The following RPS12 variants were observed in gnomAD, a reference collection of about 807,000 sequenced individuals.
RPS12 encodes small ribosomal subunit protein eS12.
Under a neutral mutation model 17.2 loss-of-function variants are expected in RPS12, and 1 was observed. That is an observed-to-expected ratio of 0.06 (90% CI 0.02 to 0.28). RPS12 has a LOEUF of 0.28. Ranked by LOEUF, RPS12 falls within the 10% of genes least tolerant of loss-of-function variation. The probability of loss-of-function intolerance (pLI) is 1.00; values close to 1 mark genes in which losing one functional copy is unlikely to be tolerated. For synonymous variants in RPS12, 67 were observed against 54.0 expected (o/e 1.24, Z -1.06); for missense variants, 146 against 162.1 (o/e 0.90, Z 0.54).
rs1350977092 is a variant in RPS12 at position 132,816,547 on chromosome 6, A to G, written c.218A>G (p.Gln73Arg). ...KLVEALCAEHQINLIKVDDNK... is the reference protein window; with the variant it reads ...KLVEALCAEHRINLIKVDDNK... ...GTGGAGGCCCTTTGTGCTGAACACCAAATCAACCTAATTAAGGTAAGGCTG... is the reference window on the plus strand; with the variant it reads ...GTGGAGGCCCTTTGTGCTGAACACCGAATCAACCTAATTAAGGTAAGGCTG... Residue 73 changes from glutamine (Q) to arginine (R), a missense_variant, in exon 4 of 6, where the codon CAA (glutamine) becomes CGA (arginine). By Grantham distance (43) the Gln-to-Arg change is conservative. Around this residue, in one of 2 missense-constraint regions of RPS12, gnomAD observed 117 missense variants for 104.6 expected, o/e 1.12. Coordinates refer to ENST00000230050, the MANE Select transcript of RPS12 (RefSeq NM_001016.4). The G allele has an allele frequency of 1.3e-6, 2 of 1,596,700 alleles. No individual in the cohort carries two copies. Among genetic ancestry groups the G allele is most frequent in the Non-Finnish European group, 8.5e-7 (1 of 1,175,272 alleles).
intron 1 of RPS12, 24 bp downstream of exon 1, chr6:132,814,637 G>A (rs1782000326): frequency 2.0e-5 from 21 of 1,075,448 alleles, no homozygotes; most frequent in Non-Finnish European, 2.9e-5. Flanking sequence ...GGCGGCAGGG[G>A]GGTGTATTGG....
intron 2 of RPS12, 44 bp downstream of exon 2, chr6:132,814,826 T>G: frequency 6.4e-7 from 1 of 1,567,246 alleles, no homozygotes; most frequent in Non-Finnish European, 8.8e-7. Context: ...GGGGTGCGGC[T>G]GAGGCGTGGG....
At position 132,814,596 on chromosome 6, in the gene RPS12, C is replaced by A. The variant is rs925443519; in HGVS notation, c.-55C>A. 8.6e-6 allele frequency: 7 copies of A among 816,432 alleles called. No homozygotes were observed. The highest frequency in any genetic ancestry group is 1.7e-5 in the African/African-American group (1 of 58,990). The allele number at this position is 816,432 out of a possible 1,614,324, so 50.6% of individuals were successfully genotyped here. On this transcript the variant is annotated 5_prime_UTR_variant, in exon 1 of 6. Coordinates refer to ENST00000230050, the MANE Select transcript of RPS12 (RefSeq NM_001016.4). Reference sequence around the variant, plus strand: ...CTTTCCCTGCCGCCGCCGAGTCGCGCGGAGGCGGAGGCTTGGGGTAAGTTG... The same window carrying A: ...CTTTCCCTGCCGCCGCCGAGTCGCGAGGAGGCGGAGGCTTGGGGTAAGTTG...
intron 3 of RPS12, chr6:132,815,954 C>G (rs1403497418): frequency 4.4e-6 from 2 of 452,994 alleles, no homozygotes; most frequent in East Asian, 7.0e-5. Flanking sequence ...TCTTCTGCCT[C>G]CCGAGTAGAT....
chr6:132,814,981 T>C lies in RPS12; in HGVS notation c.24T>C (p.Ala8=), dbSNP rs758562986. The C allele has an allele frequency of 3.4e-5, 55 of 1,608,092 alleles. No individual in the cohort carries two copies. In the South Asian group the frequency reaches 5.7e-4, roughly 17 times the overall value. MAEEGIA[A]GGVMDVNTAL... ...ATGTGTCGCGTTTAAGCATTGCTGC[T>C]GGAGGTGTAATGGACGTTAATACTG... Residue 8 remains alanine, a synonymous_variant, in exon 3 of 6, where the codon GCT becomes GCC. Coordinates refer to ENST00000230050, the MANE Select transcript of RPS12 (RefSeq NM_001016.4).
intron 5 of RPS12, 87 bp from the exon 6 acceptor site, chr6:132,817,393 T>G: frequency 1.1e-6 from 1 of 903,180 alleles, no homozygotes; most frequent in Non-Finnish European, 1.8e-6. Context: ...AGCTAATTGT[T>G]GAAGCTCCAC....
In RPS12 at chr6:132,814,629, C is replaced by A. The variant is rs184057803; in HGVS notation, c.-38+16C>A. ...GAGGCTTGGGGTAAGTTGAGCGAGGCGGCAGGGGGGTGTATTGGTTATAAT... is the reference window on the plus strand; with the variant it reads ...GAGGCTTGGGGTAAGTTGAGCGAGGAGGCAGGGGGGTGTATTGGTTATAAT... On this transcript the variant is annotated intron_variant, in intron 1 of 5. Coordinates refer to ENST00000230050, the MANE Select transcript of RPS12 (RefSeq NM_001016.4). 15 of 1,039,526 alleles carry A rather than the reference C, an allele frequency of 1.4e-5. No homozygotes were observed. The highest frequency in any genetic ancestry group is 3.4e-5 in the Admixed American group (2 of 58,330). The allele number at this position is 1,039,526 out of a possible 1,614,324, so 64.4% of individuals were successfully genotyped here.
intron 4 of RPS12, 163 bp downstream of exon 4, chr6:132,816,726 T>A (rs1582888342): frequency 1.3e-6 from 1 of 770,104 alleles, no homozygotes; most frequent in East Asian, 2.4e-5. Flanking sequence ...AAGCATTTTA[T>A]ACCTGCAGAA....
chr6:132,815,998 G>A (rs1388181020), intron 3 of RPS12: 2 of 434,632 alleles, frequency 4.6e-6, no homozygotes, highest in Non-Finnish European at 4.6e-6. Flanking sequence ...TGCCCAGCTA[G>A]TTTTTGTACT....
intron 3 of RPS12, chr6:132,815,357 T>C (rs571998965): frequency 4.8e-6 from 3 of 628,788 alleles, no homozygotes; most frequent in Non-Finnish European, 9.1e-6. Context: ...CTTTTATGAG[T>C]GAAACATAAG....
In RPS12 at chr6:132,815,320, C is replaced by T. The variant is rs201725674; in HGVS notation, c.131+232C>T. ...CAAAACTACAGTGTTTGAATGATGA[C>T]TTTAATTGTCGGATACCCCTTCACT... On this transcript the variant is annotated intron_variant, in intron 3 of 5. Transcript: ENST00000230050. The T allele has an allele frequency of 3.7e-5, 26 of 705,268 alleles. No individual in the cohort carries two copies. The East Asian group carries it at 5.4e-4, about 15-fold the overall frequency. 43.7% of individuals were successfully genotyped at this position (705,268 alleles called of 1,614,324 possible). A position where few individuals can be genotyped will look rare whatever the true frequency, so the allele number is the denominator to read the frequency against.
At chr6:132,816,820 T>C (rs201289953) in intron 4 of RPS12, 140 bp from the exon 5 acceptor site, 406 of 775,772 alleles carry the variant, frequency 5.2e-4, no homozygotes, top group Non-Finnish European at 8.0e-4. Context: ...TGATGACAAC[T>C]GGCTCCCTCT....
At chr6:132,815,653 A>T (rs1359849718) in intron 3 of RPS12, 1 of 456,688 alleles carries the variant, frequency 2.2e-6, no homozygotes, top group Non-Finnish European at 4.4e-6. Context: ...GCTGAATTTA[A>T]ATGCAGTTTT....
At position 132,814,952 on chromosome 6, in the gene RPS12, T is replaced by C. The variant is rs781103099; in HGVS notation, c.15-20T>C. The C allele has an allele frequency of 4.6e-6, 7 of 1,529,794 alleles. No individual in the cohort carries two copies. 94.8% of individuals were successfully genotyped at this position (1,529,794 alleles called of 1,614,324 possible). Reference sequence around the variant, plus strand: ...TGGTGTGAGGATTTTAACTGATGGTTCTGATGTGTCGCGTTTAAGCATTGC... The same window carrying C: ...TGGTGTGAGGATTTTAACTGATGGTCCTGATGTGTCGCGTTTAAGCATTGC... On this transcript the variant is annotated intron_variant, in intron 2 of 5. Transcript: ENST00000230050.
rs757992088 is a variant in RPS12 at position 132,816,942 on chromosome 6, T to A, written c.235-18T>A. 1.8e-5 allele frequency: 23 copies of A among 1,314,148 alleles called. No homozygotes were observed. The highest frequency in any genetic ancestry group is 5.8e-5 in the Admixed American group (3 of 51,620). 81.4% of individuals were successfully genotyped at this position (1,314,148 alleles called of 1,614,324 possible). The stretch of plus-strand genomic sequence containing the variant: ...CTATTAATGTGATTTTTTTTTTTTT[T>A]AACCTTTCTCCCAATAGGTTGATGA... On this transcript the variant is annotated intron_variant, in intron 4 of 5. Coordinates refer to ENST00000230050, the MANE Select transcript of RPS12 (RefSeq NM_001016.4).
rs1421647123 is a variant in RPS12 at position 132,815,461 on chromosome 6, C to T, written c.131+373C>T. ...GAGCCACATTACATCTGGTAGTTTG[C>T]AAAACAAGCATTAATTTAATGGAAT... On this transcript the variant is annotated intron_variant, in intron 3 of 5. Transcript: ENST00000230050. 6.6e-6 allele frequency: 3 copies of T among 453,822 alleles called. No homozygotes were observed. In the Admixed American group the frequency reaches 7.7e-5, roughly 12 times the overall value. 28.1% of individuals were successfully genotyped at this position (453,822 alleles called of 1,614,324 possible).
chr6:132,815,051 G>T lies in RPS12; in HGVS notation c.94G>T (p.Ala32Ser), dbSNP rs755998873. The T allele has an allele frequency of 6.2e-7, 1 of 1,613,106 alleles. No homozygotes were observed. Among genetic ancestry groups the T allele is most frequent in the Admixed American group, 1.7e-5 (1 of 59,982 alleles). The change falls in exon 3 of 6, where the codon GCA (alanine) becomes TCA (serine). Residue 32 changes from alanine to serine, a missense_variant. Ala to Ser is a moderately conservative substitution (Grantham distance 99). This residue lies in a region of RPS12 where 117 missense variants were observed against 104.6 expected (regional missense o/e 1.12). Coordinates refer to ENST00000230050, the MANE Select transcript of RPS12 (RefSeq NM_001016.4). ...LKTALIHDGL[A>S]RGIREAAKAL... is the part of the protein sequence containing the mutation. ...GACTGCCCTCATCCACGATGGCCTA[G>T]CACGTGGAATTCGCGAAGCTGCCAA...
chr6:132,815,169 T>C lies in RPS12; in HGVS notation c.131+81T>C, dbSNP rs770971381. 4 of 919,716 alleles carry C rather than the reference T, an allele frequency of 4.3e-6. No individual in the cohort carries two copies. The African/African-American group carries it at 4.9e-5, about 11-fold the overall frequency. 57.0% of individuals were successfully genotyped at this position (919,716 alleles called of 1,614,324 possible). A position where few individuals can be genotyped will look rare whatever the true frequency, so the allele number is the denominator to read the frequency against. ...CCAAGGGAAGAAGGCATGGAGTTCA[T>C]GGTGTTAGCGCAAAAGTTCTGAATG... On this transcript the variant is annotated intron_variant, in intron 3 of 5. Coordinates refer to ENST00000230050, the MANE Select transcript of RPS12 (RefSeq NM_001016.4).
intron 5 of RPS12, 139 bp downstream of exon 5, chr6:132,817,200 A>T: frequency 1.3e-6 from 1 of 782,084 alleles, no homozygotes; most frequent in East Asian, 2.4e-5. Flanking sequence ...TCAGGAAAAA[A>T]ATAAAAGCTG....
Sources: gnomAD v4.1 joint callset for allele counts on GRCh38, gnomAD v4.1.1 for gene constraint, gnomAD v4.1.1 regional missense constraint, MANE v1.5 for transcripts, NCBI Gene and HGNC (gene_info 2026-07-23, HGNC 2026-07-21) for gene names.